The following FNIP2 variants were observed in gnomAD, a reference collection of about 807,000 sequenced individuals.
The protein encoded by FNIP2 is folliculin interacting protein 2, also known as folliculin-interacting protein 2.
In FNIP2, 32 loss-of-function variants were observed where a neutral mutation model predicts 108.7. The observed-to-expected ratio is 0.29, with a 90% CI of 0.22 to 0.40. The LOEUF is 0.40. Among genes scored for constraint, FNIP2 ranks in the 10% least tolerant of loss-of-function variants. FNIP2 has a pLI of 1.00. For missense variants in FNIP2, 1,202 were observed against 1,381.6 expected, an observed-to-expected ratio of 0.87 and a Z score of 2.06; for synonymous variants, 480 against 496.7, an observed-to-expected ratio of 0.97 and a Z score of 0.45.
At chr4:158,865,345 A>T (rs1780521559) in intron 12 of FNIP2, among the ~76,000 whole-genome samples, 1 of 152,318 alleles carries the variant, frequency 6.6e-6, no homozygotes, top group African/African-American at 2.4e-5. Context: ...TCAAAAAAAA[A>T]TTGAACTTCC....
intron 1 of FNIP2, among the ~76,000 whole-genome samples, chr4:158,770,424 A>G (rs762615242): frequency 6.6e-6 from 1 of 152,206 alleles, no homozygotes; most frequent in Non-Finnish European, 1.5e-5. Context: ...ACCCAGTATA[A>G]TAAACCTTTA....
intron 14 of FNIP2, among the ~76,000 whole-genome samples, chr4:158,885,100 G>A (rs1781953883): frequency 6.6e-6 from 1 of 152,120 alleles, no homozygotes; most frequent in Non-Finnish European, 1.5e-5. Flanking sequence ...AGGTTGCAGT[G>A]AGCCGAGATT....
chr4:158,781,999 C>G (rs1009058399), intron 1 of FNIP2, among the ~76,000 whole-genome samples: 1 of 152,074 alleles, frequency 6.6e-6, no homozygotes, highest in African/African-American at 2.4e-5. Flanking sequence ...CAGTGTTTGA[C>G]AACTATTAGA....
intron 1 of FNIP2, among the ~76,000 whole-genome samples, chr4:158,784,156 TGTA>T (rs2126432074): frequency 6.6e-6 from 1 of 152,368 alleles, no homozygotes; most frequent in African/African-American, 2.4e-5. Flanking sequence ...TTCATGAAGC[TGTA>T]GTTGTCAGAA....
chr4:158,817,648 G>C (rs1258177184), intron 1 of FNIP2, among the ~76,000 whole-genome samples: 2 of 152,198 alleles, frequency 1.3e-5, no homozygotes, highest in Non-Finnish European at 2.9e-5. Flanking sequence ...CCGGGTTTAA[G>C]CAATTCTTGT....
At chr4:158,781,930 G>A (rs539871773) in intron 1 of FNIP2, among the ~76,000 whole-genome samples, 4 of 152,030 alleles carry the variant, frequency 2.6e-5, no homozygotes, top group Non-Finnish European at 5.9e-5. Flanking sequence ...CAGGTGTAAA[G>A]TTGCCTTTCT....
chr4:158,872,780 T>A, intron 14 of FNIP2: 1 of 973,056 alleles, frequency 1.0e-6, no homozygotes, highest in Non-Finnish European at 1.2e-6. Context: ...CAACATCCAT[T>A]TACAAACATT....
chr4:158,859,550 A>G, intron 9 of FNIP2, 28 bp from the exon 10 acceptor site: 1 of 1,581,284 alleles, frequency 6.3e-7, no homozygotes, highest in Non-Finnish European at 8.7e-7. Flanking sequence ...TCTTCTCAGT[A>G]ATTTGACTTG....
chr4:158,879,885 A>G (rs1781487337), intron 14 of FNIP2, among the ~76,000 whole-genome samples: 1 of 150,380 alleles, frequency 6.6e-6, no homozygotes. Context: ...AATCAAAACT[A>G]CAGTGAGATA....
At chr4:158,794,793 CTT>C (rs1363144970) in intron 1 of FNIP2, 2 of 152,082 alleles carry the variant, frequency 1.3e-5, no homozygotes. Context: ...AGCACTGTCT[CTT>C]TGAGTTATTT....
In FNIP2 at chr4:158,880,715, ATTT is replaced by A. The variant is rs1781543275; in HGVS notation, c.2949+10251_2949+10253del. On this transcript the variant is annotated intron_variant, in intron 14 of 16. Transcript: ENST00000264433. ...TGAAGGGGTTTTTTGGTTTGTTTTT[ATTT>A]TTTTAAAAACTGGTCTACAATTCAC... is the stretch of plus-strand genomic sequence containing the variant. Among the ~76,000 whole-genome samples the A allele has an allele frequency of 3.9e-5, 6 of 152,216 alleles. No individual in the cohort carries two copies. In the South Asian group the frequency reaches 1.2e-3, roughly 32 times the overall value.
At chr4:158,816,930 T>G (rs1461313414) in intron 1 of FNIP2, among the ~76,000 whole-genome samples, 2 of 152,016 alleles carry the variant, frequency 1.3e-5, no homozygotes, top group Non-Finnish European at 2.9e-5. Flanking sequence ...GAATAAATAA[T>G]GTGCATTTAA....
At chr4:158,809,624 G>A (rs936684507) in intron 1 of FNIP2, among the ~76,000 whole-genome samples, 2 of 152,096 alleles carry the variant, frequency 1.3e-5, no homozygotes, top group African/African-American at 4.8e-5. Flanking sequence ...AAATTCTTAC[G>A]GCTGTTTATA....
At chr4:158,837,284 G>A (rs560286103) in intron 7 of FNIP2, among the ~76,000 whole-genome samples, 1 of 152,308 alleles carries the variant, frequency 6.6e-6, no homozygotes, top group East Asian at 1.9e-4. Context: ...TGTGGTGGGA[G>A]CTCTTTAGCT....
At chr4:158,805,453 G>C (rs1444201997) in intron 1 of FNIP2, among the ~76,000 whole-genome samples, 1 of 152,188 alleles carries the variant, frequency 6.6e-6, no homozygotes, top group East Asian at 1.9e-4. Flanking sequence ...TTTGTCCTCA[G>C]GTTGGGCTTT....
chr4:158,772,216 C>T (rs186265352), intron 1 of FNIP2, among the ~76,000 whole-genome samples: 124 of 152,202 alleles, frequency 8.1e-4, no homozygotes, highest in Middle Eastern at 3.4e-3. Flanking sequence ...AATAATGCTT[C>T]GTACCAGAAA....
At chr4:158,841,169 G>A (rs1340581232) in intron 7 of FNIP2, among the ~76,000 whole-genome samples, 1 of 152,136 alleles carries the variant, frequency 6.6e-6, no homozygotes, top group Non-Finnish European at 1.5e-5. Context: ...ACAACAGGGT[G>A]GGGGCTTCTC....
At chr4:158,814,820 A>C (rs1021733459) in intron 1 of FNIP2, among the ~76,000 whole-genome samples, 1 of 152,198 alleles carries the variant, frequency 6.6e-6, no homozygotes, top group African/African-American at 2.4e-5. Context: ...GGAATTCATT[A>C]AGGTGGTTTC....
At chr4:158,859,019 G>C (rs780642773) in intron 8 of FNIP2, 38 bp from the exon 9 acceptor site, 1 of 1,588,474 alleles carries the variant, frequency 6.3e-7, no homozygotes, top group Non-Finnish European at 8.6e-7. Context: ...GTGACTCACT[G>C]ATGCATGGCA....
Sources: gnomAD v4.1 joint callset for allele counts (sites outside exome capture counted in the v4.1 genomes callset) on GRCh38, gnomAD v4.1.1 for gene constraint, MANE v1.5 for transcripts, NCBI Gene and HGNC (gene_info 2026-07-23, HGNC 2026-07-21) for gene names.